UGT2B17: variants seen among roughly 807,000 people sequenced by gnomAD.
The protein encoded by UGT2B17 is UDP glucuronosyltransferase family 2 member B17, also known as UDP-glucuronosyltransferase 2B17.
UGT2B17 carries 21 observed loss-of-function variants against 48.2 expected under a neutral mutation model. The observed-to-expected ratio is 0.44, with a 90% CI of 0.31 to 0.63. UGT2B17 has a LOEUF of 0.63. Ranked by LOEUF, UGT2B17 falls within the 20% of genes least tolerant of loss-of-function variation. The pLI is 0.08. For missense variants in UGT2B17, 402 were observed against 696.1 expected (o/e 0.58, Z 4.75); for synonymous variants, 146 against 238.4 (o/e 0.61, Z 3.57).
At chr4:68,552,186 T>G (rs1235555708) in intron 4 of UGT2B17, among the ~76,000 whole-genome samples, 1 of 126,156 alleles carries the variant, frequency 7.9e-6, no homozygotes, top group African/African-American at 2.7e-5. Context: ...TAAATCTTGG[T>G]GCCCCAAAAT....
intron 3 of UGT2B17, among the ~76,000 whole-genome samples, chr4:68,563,442 T>C (rs146042994): frequency 0.043 from 5,472 of 125,970 alleles, 1,269 homozygotes; most frequent in African/African-American, 0.14. Flanking sequence ...AAACTCTGTC[T>C]CTACTAAAAA....
rs1342462298 is a variant in UGT2B17 at position 68,572,883 on chromosome 4, A to T, written c.-65+3068T>A. On this transcript the variant is annotated intron_variant, in intron 1 of 6. Transcript: ENST00000317746. ...GTTGTCTTCTTCAGAGTCATTTTGCAGGGATTGGTGAAGCTGCTCCCATCC... is the reference window on the plus strand; with the variant it reads ...GTTGTCTTCTTCAGAGTCATTTTGCTGGGATTGGTGAAGCTGCTCCCATCC... 2.8e-4 allele frequency among the ~76,000 whole-genome samples: 35 copies of T among 126,000 alleles called. 7 individuals carry two copies. The highest frequency in any genetic ancestry group is 9.0e-4 in the African/African-American group (33 of 36,668). 82.7% of individuals were successfully genotyped at this position (126,000 alleles called of 152,430 possible).
intron 6 of UGT2B17, among the ~76,000 whole-genome samples, chr4:68,541,369 G>T (rs760767873): frequency 4.7e-5 from 6 of 126,324 alleles, no homozygotes; most frequent in Non-Finnish European, 6.7e-5. Context: ...ATCTCATTGT[G>T]GTTTTGATTT....
chr4:68,539,990 T>G lies in UGT2B17; in HGVS notation c.1314-2086A>C, dbSNP rs761888482. 1.5e-4 allele frequency among the ~76,000 whole-genome samples: 18 copies of G among 122,488 alleles called. 3 individuals are homozygous for G. Among genetic ancestry groups the G allele is most frequent in the Non-Finnish European group, 3.1e-4 (18 of 58,558 alleles). The allele number at this position is 122,488 out of a possible 152,430, so 80.4% of individuals were successfully genotyped here. ...TAGTGGACACAGGATTTCACCATGT[T>G]GGCCAGGCTGGTCTCGAACTCCTGA... On this transcript the variant is annotated intron_variant, in intron 6 of 6. Coordinates refer to ENST00000317746, the MANE Select transcript of UGT2B17 (RefSeq NM_001077.4).
At chr4:68,554,847 G>A (rs1395179081) in intron 4 of UGT2B17, among the ~76,000 whole-genome samples, 1 of 125,174 alleles carries the variant, frequency 8.0e-6, no homozygotes, top group Non-Finnish European at 1.7e-5. Context: ...AGGTTATCAA[G>A]AATTTGAAAG....
In UGT2B17 at chr4:68,576,242, C is replaced by A. The variant is rs1168315380; in HGVS notation, c.-356G>T. 2.4e-5 allele frequency among the ~76,000 whole-genome samples: 3 copies of A among 126,038 alleles called. 1 individual carries two copies. In the Admixed American group the frequency reaches 2.4e-4, roughly 10 times the overall value. 82.7% of individuals were successfully genotyped at this position (126,038 alleles called of 152,430 possible). On this transcript the variant is annotated 5_prime_UTR_variant, in exon 1 of 7. Coordinates refer to ENST00000317746, the MANE Select transcript of UGT2B17 (RefSeq NM_001077.4). Reference sequence around the variant, plus strand: ...GTAGCAGGACGAGCCACAGACAAAACCTCTCAGACATCGAGTTGTAGAAGG... The same window carrying A: ...GTAGCAGGACGAGCCACAGACAAAAACTCTCAGACATCGAGTTGTAGAAGG...
chr4:68,551,285 A>T lies in UGT2B17; in HGVS notation c.1094-389T>A, dbSNP rs1321335143. Among the ~76,000 whole-genome samples the T allele has an allele frequency of 1.6e-5, 2 of 126,472 alleles. 1 individual carries two copies. The highest frequency in any genetic ancestry group is 1.6e-4 in the Admixed American group (2 of 12,368). 83.0% of individuals were successfully genotyped at this position (126,472 alleles called of 152,430 possible). A position where few individuals can be genotyped will look rare whatever the true frequency, so the allele number is the denominator to read the frequency against. On this transcript the variant is annotated intron_variant, in intron 5 of 6. Coordinates refer to ENST00000317746, the MANE Select transcript of UGT2B17 (RefSeq NM_001077.4). ...AGTCACATTTATATATTTAAAAAAT[A>T]TTTAAATAGTTAAAATATTTAAAAT... is the stretch of plus-strand genomic sequence containing the variant.
At chr4:68,556,462 C>A (rs1288754518) in intron 4 of UGT2B17, among the ~76,000 whole-genome samples, 1 of 124,252 alleles carries the variant, frequency 8.0e-6, no homozygotes, top group Non-Finnish European at 1.7e-5. Flanking sequence ...TCCTCAAGGT[C>A]CAGGGACTAT....
intron 6 of UGT2B17, among the ~76,000 whole-genome samples, chr4:68,540,849 T>G (rs1052161738): frequency 8.0e-6 from 1 of 125,038 alleles, no homozygotes; most frequent in Middle Eastern, 3.9e-3. Flanking sequence ...CCTGAGTCCA[T>G]GTATTCTCAT....
chr4:68,567,733 A>C (rs775307474), intron 2 of UGT2B17, 28 bp downstream of exon 2: 3 of 1,268,820 alleles, frequency 2.4e-6, no homozygotes, highest in Non-Finnish European at 3.0e-6. Context: ...TTAGAACTTA[A>C]TAAACACCAA....
chr4:68,547,640 C>A (rs1327609860), intron 6 of UGT2B17, among the ~76,000 whole-genome samples: 1 of 126,004 alleles, frequency 7.9e-6, no homozygotes, highest in Non-Finnish European at 1.7e-5. Flanking sequence ...GAACAGGCAA[C>A]CTACAGAATG....
intron 1 of UGT2B17, among the ~76,000 whole-genome samples, chr4:68,571,198 G>A (rs1731292947): frequency 1.6e-5 from 2 of 125,304 alleles, no homozygotes; most frequent in African/African-American, 2.7e-5. Flanking sequence ...TTTTTTTCAG[G>A]GGGCTATTTA....
chr4:68,569,797 C>A (rs1474799705), intron 1 of UGT2B17, among the ~76,000 whole-genome samples: 1 of 126,178 alleles, frequency 7.9e-6, no homozygotes, highest in African/African-American at 2.7e-5. Context: ...ACTATAAAAC[C>A]ACTGTCCCAT....
chr4:68,564,294 A>ATATATATATATAT, intron 3 of UGT2B17, among the ~76,000 whole-genome samples: 1 of 75,786 alleles, frequency 1.3e-5, no homozygotes, highest in Non-Finnish European at 2.3e-5. Flanking sequence ...ATATATATAT[A>ATATATATATATAT]TTTTTTTTTT....
At chr4:68,541,544 G>A (rs1477104550) in intron 6 of UGT2B17, among the ~76,000 whole-genome samples, 1 of 125,978 alleles carries the variant, frequency 7.9e-6, no homozygotes, top group African/African-American at 2.7e-5. Flanking sequence ...CTGGATATTG[G>A]ACCTTTGTCA....
In UGT2B17 at chr4:68,547,540, A is replaced by G. The variant is rs1730838488; in HGVS notation, c.1313+3137T>C. On this transcript the variant is annotated intron_variant, in intron 6 of 6. Coordinates refer to ENST00000317746, the MANE Select transcript of UGT2B17 (RefSeq NM_001077.4). ...GCAAGGACTTCATGACTAAAACACC[A>G]AAAGCAATGGCAACAAAAGCCAAAA... Among the ~76,000 whole-genome samples the G allele has an allele frequency of 2.4e-5, 3 of 125,052 alleles. 1 individual carries two copies. The highest frequency in any genetic ancestry group is 8.2e-5 in the African/African-American group (3 of 36,728). 82.0% of individuals were successfully genotyped at this position (125,052 alleles called of 152,430 possible).
In UGT2B17 at chr4:68,541,927, C is replaced by T. The variant is rs1234685724; in HGVS notation, c.1314-4023G>A. ...ATCCTTTCCCATTGCTTGTTTTTGT[C>T]AGTTTTGTCGAAGATCAGATGGCTG... On this transcript the variant is annotated intron_variant, in intron 6 of 6. Transcript: ENST00000317746. 5.6e-5 allele frequency among the ~76,000 whole-genome samples: 7 copies of T among 126,126 alleles called. 2 individuals carry two copies. Among genetic ancestry groups the T allele is most frequent in the African/African-American group, 1.9e-4 (7 of 36,852 alleles). 82.7% of individuals were successfully genotyped at this position (126,126 alleles called of 152,430 possible).
Position 68,538,066 on chromosome 4 carries a change from G to C in UGT2B17, c.1314-162C>G, listed in dbSNP as rs1730587746. Among the ~76,000 whole-genome samples, 6 of 126,152 alleles carry C rather than the reference G, an allele frequency of 4.8e-5. 3 individuals are homozygous for C. In the South Asian group the frequency reaches 2.2e-3, roughly 47 times the overall value. The allele number at this position is 126,152 out of a possible 152,430, so 82.8% of individuals were successfully genotyped here. ...GTTTTAATGTATGTCATTACAGAAA[G>C]TTTGGTTTTTAAATTGGAGTTTTAT... On this transcript the variant is annotated intron_variant, in intron 6 of 6. Coordinates refer to ENST00000317746, the MANE Select transcript of UGT2B17 (RefSeq NM_001077.4).
At chr4:68,549,713 G>T (rs1257948704) in intron 6 of UGT2B17, among the ~76,000 whole-genome samples, 1 of 125,816 alleles carries the variant, frequency 7.9e-6, no homozygotes, top group Non-Finnish European at 1.7e-5. Flanking sequence ...AATGAAAAAT[G>T]ATGCAAATAC....
Sources: allele counts gnomAD v4.1 joint callset (sites outside exome capture counted in the v4.1 genomes callset), GRCh38; gene constraint gnomAD v4.1.1; transcripts MANE v1.5; gene names NCBI Gene and HGNC (gene_info 2026-07-23, HGNC 2026-07-21).